The following NSD1 variants were observed in gnomAD, a reference collection of about 807,000 sequenced individuals.
The protein encoded by NSD1 is histone-lysine N-methyltransferase, H3 lysine-36 specific.
Under a neutral mutation model 242.7 loss-of-function variants are expected in NSD1, and 26 were observed. The observed-to-expected ratio is 0.11, with a 90% CI of 0.08 to 0.15. The LOEUF (loss-of-function observed/expected upper bound fraction) is 0.15, where lower values mean the gene tolerates loss of function less well. Ranked by LOEUF, NSD1 falls within the 10% of genes least tolerant of loss-of-function variation. NSD1 has a pLI of 1.00. For missense variants in NSD1, 2,495 were observed against 3,272.8 expected, an observed-to-expected ratio of 0.76 and a Z score of 5.80; for synonymous variants, 1,106 against 1,178.1, an observed-to-expected ratio of 0.94 and a Z score of 1.25.
chr5:177,135,444 CT>C lies in NSD1; in HGVS notation c.343del (p.Ser115ProfsTer2). 1 of 1,614,204 alleles carries C rather than the reference CT, an allele frequency of 6.2e-7. No individual in the cohort carries two copies. Among genetic ancestry groups the C allele is most frequent in the East Asian group, 2.2e-5 (1 of 44,896 alleles). On this transcript the variant is annotated frameshift_variant, in exon 2 of 23. Coordinates refer to ENST00000439151, the MANE Select transcript of NSD1 (RefSeq NM_022455.5). LOFTEE classifies it high-confidence loss of function. The stretch of plus-strand genomic sequence containing the variant: ...AGAGCTCAGACGCCAATTGTTTGCA[CT>C]TCCTTGAGTCCTGGTGGTCCTACAG... ...DSRAQTPIVCTSLSPGGPTAL... is the reference protein window; with the variant it reads ...DSRAQTPIVCXSLSPGGPTAL...
At chr5:177,215,200 A>G (rs950088562) in intron 5 of NSD1, among the ~76,000 whole-genome samples, 107 of 141,490 alleles carry the variant, frequency 7.6e-4, no homozygotes, top group African/African-American at 2.8e-3. Flanking sequence ...TTTTTTTGAG[A>G]TGGAGTTTCG....
Position 177,211,706 on chromosome 5 carries a change from G to A in NSD1, c.3307G>A (p.Asp1103Asn), listed in dbSNP as rs746210838. The change falls in exon 5 of 23, where the codon GAC (aspartate) becomes AAC (asparagine). Residue 1103 changes from aspartate (D) to asparagine (N), a missense_variant. This residue lies in a region of NSD1 where 426 missense variants were observed against 411.4 expected (regional missense o/e 1.04). Transcript: ENST00000439151. ...IMGHLTSEDG[D>N]HFSDVHFDSK... ...GGGCCACTTAACAAGTGAAGATGGTGACCATTTTTCTGATGTGCATTTCGA... is the reference window on the plus strand; with the variant it reads ...GGGCCACTTAACAAGTGAAGATGGTAACCATTTTTCTGATGTGCATTTCGA... 15 of 1,613,918 alleles carry A rather than the reference G, an allele frequency of 9.3e-6. No individual in the cohort carries two copies. The highest frequency in any genetic ancestry group is 8.9e-5 in the East Asian group (4 of 44,882).
chr5:177,148,911 C>T (rs959659902), intron 2 of NSD1, among the ~76,000 whole-genome samples: 6 of 152,230 alleles, frequency 3.9e-5, no homozygotes, highest in Non-Finnish European at 5.9e-5. Context: ...CTCTGCTTCC[C>T]GGCTTCAAGT....
intron 2 of NSD1, among the ~76,000 whole-genome samples, chr5:177,184,735 G>A (rs1042942125): frequency 6.6e-6 from 1 of 152,036 alleles, no homozygotes; most frequent in Non-Finnish European, 1.5e-5. Context: ...GCAAGGATGG[G>A]ATCTCGCCAA....
intron 2 of NSD1, among the ~76,000 whole-genome samples, chr5:177,168,942 C>T (rs547986411): frequency 3.3e-5 from 5 of 152,276 alleles, no homozygotes; most frequent in Admixed American, 6.5e-5. Flanking sequence ...GGCAAAACTT[C>T]GTAGCCTAAT....
intron 2 of NSD1, among the ~76,000 whole-genome samples, chr5:177,158,922 T>G (rs1758432184): frequency 7.6e-6 from 1 of 132,378 alleles, no homozygotes. Flanking sequence ...TATATATAGT[T>G]TGTGTGTGTG....
rs139544517 is a variant in NSD1, at chr5:177,190,105, C to A, written c.928-1779C>A. On this transcript the variant is annotated intron_variant, in intron 2 of 22. Transcript: ENST00000439151. ...CCAAGCAGCTGGGAGTACAGGCATG[C>A]ACCACCATGCCCAGCTAATTTTTTA... Among the ~76,000 whole-genome samples, 641 of 152,096 alleles carry A rather than the reference C, an allele frequency of 4.2e-3. 3 individuals are homozygous for A. Among genetic ancestry groups the A allele is most frequent in the African/African-American group, 0.014 (585 of 41,494 alleles).
intron 2 of NSD1, among the ~76,000 whole-genome samples, chr5:177,190,455 T>C (rs1386333601): frequency 6.6e-6 from 1 of 151,458 alleles, no homozygotes; most frequent in Admixed American, 6.6e-5. Flanking sequence ...AATTTTTGTA[T>C]TTTTTTCTCT....
rs1478120562 is a variant in NSD1 at position 177,265,699 on chromosome 5, G to T, written c.5147-1863G>T. 4 of 1,609,418 alleles carry T rather than the reference G, an allele frequency of 2.5e-6. No individual in the cohort carries two copies. In the East Asian group the frequency reaches 8.9e-5, roughly 36 times the overall value. Reference sequence around the variant, plus strand: ...TGCCGATGGTGCCGAAGATCTCCTCGCCCGTCTTCAAGGTCAGGTAGTCCT... The same window carrying T: ...TGCCGATGGTGCCGAAGATCTCCTCTCCCGTCTTCAAGGTCAGGTAGTCCT... On this transcript the variant is annotated intron_variant, in intron 14 of 22. Coordinates refer to ENST00000439151, the MANE Select transcript of NSD1 (RefSeq NM_022455.5).
intron 4 of NSD1, 86 bp downstream of exon 4, chr5:177,204,378 G>C (rs1404605131): frequency 7.8e-7 from 1 of 1,290,154 alleles, no homozygotes; most frequent in African/African-American, 1.5e-5. Context: ...TTTCGAGACA[G>C]AACTTTGCTC....
intron 8 of NSD1, among the ~76,000 whole-genome samples, chr5:177,242,273 T>A (rs1029514570): frequency 1.1e-4 from 16 of 151,932 alleles, no homozygotes; most frequent in African/African-American, 1.9e-4. Context: ...ATTGCTATTT[T>A]AAAAAAAATT....
intron 2 of NSD1, among the ~76,000 whole-genome samples, chr5:177,187,669 C>T (rs1414023096): frequency 1.3e-5 from 2 of 152,120 alleles, no homozygotes; most frequent in African/African-American, 2.4e-5. Flanking sequence ...AATGTCTGAC[C>T]TCAGGCTTTC....
chr5:177,217,776 T>G (rs1763901266), intron 5 of NSD1, among the ~76,000 whole-genome samples: 1 of 150,552 alleles, frequency 6.6e-6, no homozygotes, highest in African/African-American at 2.4e-5. Context: ...CAAGCCATTC[T>G]CCTGCCTCAG....
At chr5:177,132,860 C>A (rs1044336682), upstream of NSD1, among the ~76,000 whole-genome samples, 4 of 152,118 alleles carry the variant, frequency 2.6e-5, no homozygotes, top group Non-Finnish European at 4.4e-5. This position sits in a 1 kb window ranked among gnomAD's most constrained non-coding sequence, Gnocchi z 7.5. Context: ...CACCGCAGGG[C>A]CGAGTCCCCG....
rs139505258 is a variant in NSD1 at position 177,188,933 on chromosome 5, A to G, written c.928-2951A>G. On this transcript the variant is annotated intron_variant, in intron 2 of 22. Coordinates refer to ENST00000439151, the MANE Select transcript of NSD1 (RefSeq NM_022455.5). ...AAATTTTCCAGGCATGTTGGTGAGC[A>G]TTGGAACACTGAGATGGGAGGATGG... Among the ~76,000 whole-genome samples, 156 of 152,248 alleles carry G rather than the reference A, an allele frequency of 1.0e-3. 2 individuals are homozygous for G. Among genetic ancestry groups the G allele is most frequent in the South Asian group, 5.2e-3 (25 of 4,820 alleles).
chr5:177,184,109 G>A (rs913877486), intron 2 of NSD1, among the ~76,000 whole-genome samples: 4 of 152,170 alleles, frequency 2.6e-5, no homozygotes, highest in Non-Finnish European at 4.4e-5. Flanking sequence ...GAGGGCAAAT[G>A]TCTATTTGAA....
intron 8 of NSD1, among the ~76,000 whole-genome samples, chr5:177,242,434 T>G (rs1765946593): frequency 6.6e-6 from 1 of 152,260 alleles, no homozygotes; most frequent in South Asian, 2.1e-4. Context: ...TATGATAAAA[T>G]GAGCATTCAG....
intron 5 of NSD1, 116 bp from the exon 6 acceptor site, chr5:177,235,705 A>G (rs535551727): frequency 2.7e-5 from 37 of 1,366,590 alleles, no homozygotes; most frequent in African/African-American, 1.6e-4. Flanking sequence ...GCCATAGTCT[A>G]TTTTACTATG....
At chr5:177,208,887 G>A (rs1274883932) in intron 4 of NSD1, among the ~76,000 whole-genome samples, 2 of 151,892 alleles carry the variant, frequency 1.3e-5, no homozygotes, top group African/African-American at 4.8e-5. Context: ...GTAGAGATGG[G>A]GTTTGGCGAT....
Sources: gnomAD v4.1 joint callset for allele counts (sites outside exome capture counted in the v4.1 genomes callset) on GRCh38, gnomAD v4.1.1 for gene constraint, gnomAD v4.1.1 regional missense constraint, Gnocchi (gnomAD v3.1) non-coding constraint, MANE v1.5 for transcripts, NCBI Gene and HGNC (gene_info 2026-07-23, HGNC 2026-07-21) for gene names.